The following TNRC6B variants were observed in gnomAD, a reference collection of about 807,000 sequenced individuals.
The protein encoded by TNRC6B is trinucleotide repeat containing adaptor 6B.
Under a neutral mutation model 203.6 loss-of-function variants are expected in TNRC6B, and 52 were observed. The ratio of observed to expected loss-of-function variants is 0.26; its 90% CI spans 0.20 to 0.32. TNRC6B has a LOEUF of 0.32. Among genes scored for constraint, TNRC6B ranks in the 10% least tolerant of loss-of-function variants. The pLI is 1.00. For synonymous variants in TNRC6B, 838 were observed against 845.7 expected (o/e 0.99, Z 0.16); for missense variants, 1,923 against 2,286.2 (o/e 0.84, Z 3.24).
chr22:40,088,129 A>AGTT (rs2068116204), intron 1 of TNRC6B, among the ~76,000 whole-genome samples: 1 of 152,230 alleles, frequency 6.6e-6, no homozygotes. Flanking sequence ...ACTCATAAAA[A>AGTT]GTTGTACCTT....
intron 1 of TNRC6B, among the ~76,000 whole-genome samples, chr22:40,179,923 G>A (rs1352540181): frequency 2.0e-5 from 3 of 152,076 alleles, no homozygotes; most frequent in Non-Finnish European, 4.4e-5. Flanking sequence ...TAACAAGCAA[G>A]GATTTTATTA....
intron 4 of TNRC6B, among the ~76,000 whole-genome samples, chr22:40,262,798 G>C (rs1482398361): frequency 6.6e-6 from 1 of 152,118 alleles, no homozygotes; most frequent in Non-Finnish European, 1.5e-5. Flanking sequence ...CCAGCACTTT[G>C]GGAGGCCGAG....
At chr22:40,206,606 A>G (rs1241110014) in intron 1 of TNRC6B, among the ~76,000 whole-genome samples, 1 of 152,180 alleles carries the variant, frequency 6.6e-6, no homozygotes, top group African/African-American at 2.4e-5. Context: ...TTTATATGGA[A>G]AAGAGAAATG....
chr22:40,171,094 G>A (rs1269526149), intron 4 of TNRC6B, among the ~76,000 whole-genome samples: 1 of 146,436 alleles, frequency 6.8e-6, no homozygotes, highest in Non-Finnish European at 1.5e-5. Context: ...ATATATGTAT[G>A]TATAGGAATT....
At chr22:40,195,425 A>G (rs1172504484) in intron 1 of TNRC6B, among the ~76,000 whole-genome samples, 1 of 152,074 alleles carries the variant, frequency 6.6e-6, no homozygotes, top group Non-Finnish European at 1.5e-5. Context: ...TGCTTGATTC[A>G]CTATTAGGGA....
At chr22:40,194,962 GGGGAGACCTGCTTTAAATTTTGCT>G (rs1171867281) in intron 1 of TNRC6B, among the ~76,000 whole-genome samples, 1 of 152,184 alleles carries the variant, frequency 6.6e-6, no homozygotes, top group Admixed American at 6.5e-5. Context: ...TGTAAACCCA[GGGGAGACCTGCTTTAAATTTTGCT>G]GGGAGCCCTC....
rs559046486 is a variant in TNRC6B, at chr22:40,162,119, A to G, written c.113+5937A>G. ...TACCAATTTTTATTTTTTTTGAGAC[A>G]GAGTTTCGCTCTTGTTGCCCAAACT... On this transcript the variant is annotated intron_variant, in intron 4 of 23. Coordinates refer to the TNRC6B transcript ENST00000301923. Among the ~76,000 whole-genome samples the G allele has an allele frequency of 1.6e-4, 25 of 152,262 alleles. 1 individual carries two copies. The South Asian group carries it at 2.3e-3, about 14-fold the overall frequency.
chr22:40,263,125 A>C (rs2070412493), intron 4 of TNRC6B, among the ~76,000 whole-genome samples: 1 of 152,234 alleles, frequency 6.6e-6, no homozygotes, highest in South Asian at 2.1e-4. Context: ...ATATCTTTTA[A>C]AGTTTATTAA....
rs1032013873 is a variant in TNRC6B, at chr22:40,163,397, C to CAA, written c.113+7237_113+7238dup. On this transcript the variant is annotated intron_variant, in intron 4 of 23. Transcript: ENST00000301923. ...TGGGTGACAGAACAAGACCCTGTCT[C>CAA]AAAAAAAAAAAAAAAAAAAAAAAGT... Among the ~76,000 whole-genome samples, 47 of 20,080 alleles carry CAA rather than the reference C, an allele frequency of 2.3e-3. 1 individual carries two copies. The highest frequency in any genetic ancestry group is 7.5e-3 in the African/African-American group (39 of 5,220). The allele number at this position is 20,080 out of a possible 152,430, so 13.2% of individuals were successfully genotyped here.
chr22:40,120,315 G>A (rs567213382), intron 2 of TNRC6B, among the ~76,000 whole-genome samples: 3 of 146,022 alleles, frequency 2.1e-5, no homozygotes, highest in East Asian at 3.9e-4. Context: ...CAGCCTGGGT[G>A]ACAGAGTGAG....
Position 40,331,645 on chromosome 22 carries a change from ATTTTTTTTTTTT to A in TNRC6B, c.*8418_*8429del, listed in dbSNP as rs10534254. 2.9e-4 allele frequency: 38 copies of A among 133,274 alleles called. No homozygotes were observed. Among genetic ancestry groups the A allele is most frequent in the African/African-American group, 1.5e-3 (35 of 22,860 alleles). 8.3% of individuals were successfully genotyped at this position (133,274 alleles called of 1,614,324 possible). ...ACTGAATTTAAGAAGAGGTTGTTGG[ATTTTTTTTTTTT>A]TTTTTTTTTTTTTCAAAAAAAAAAG... On this transcript the variant is annotated 3_prime_UTR_variant, in exon 23 of 23. Transcript: ENST00000454349.
upstream of TNRC6B, among the ~76,000 whole-genome samples, chr22:40,175,298 T>G (rs943650160): frequency 2.0e-5 from 3 of 151,714 alleles, no homozygotes; most frequent in Middle Eastern, 3.2e-3. Context: ...TGGAGGTTCC[T>G]GTGAGCCGAT....
rs553915959 is a variant in TNRC6B at position 40,087,937 on chromosome 22, C to T, written c.-120-29118C>T. ...ATAATACTTTTCAGGACCTCTTGGT[C>T]CTCCTGGGAGATGCTGGGAACTCTG... is the stretch of plus-strand genomic sequence containing the variant. On this transcript the variant is annotated intron_variant, in intron 1 of 23. Transcript: ENST00000301923. Among the ~76,000 whole-genome samples the T allele has an allele frequency of 2.6e-5, 4 of 152,204 alleles. No individual in the cohort carries two copies. The South Asian group carries it at 8.3e-4, about 32-fold the overall frequency.
chr22:40,058,079 C>T (rs971865706), intron 1 of TNRC6B, among the ~76,000 whole-genome samples: 3 of 152,146 alleles, frequency 2.0e-5, no homozygotes, highest in Non-Finnish European at 4.4e-5. Context: ...GGCTCAATTG[C>T]CTTAAACAAA....
intron 1 of TNRC6B, among the ~76,000 whole-genome samples, chr22:40,086,007 A>G (rs1488130544): frequency 6.6e-6 from 1 of 152,026 alleles, no homozygotes; most frequent in African/African-American, 2.4e-5. Flanking sequence ...AGTAGCTGGT[A>G]CCACAGGTGC....
intron 1 of TNRC6B, among the ~76,000 whole-genome samples, chr22:40,184,180 C>G (rs1314058597): frequency 1.3e-5 from 2 of 152,212 alleles, no homozygotes; most frequent in African/African-American, 4.8e-5. Context: ...GAGTGCTTTT[C>G]ACATGCCAGG....
At chr22:40,321,064 A>G in intron 21 of TNRC6B, 26 bp from the exon 22 acceptor site, 2 of 1,612,502 alleles carry the variant, frequency 1.2e-6, no homozygotes, top group Non-Finnish European at 1.7e-6. Flanking sequence ...TCCAGTCTTT[A>G]TCTCATGAAT....
chr22:40,086,581 G>C (rs564069043), intron 1 of TNRC6B, among the ~76,000 whole-genome samples: 19 of 152,162 alleles, frequency 1.2e-4, no homozygotes, highest in Non-Finnish European at 2.6e-4. Context: ...CAGCAGGAAA[G>C]GATATATGGA....
intron 15 of TNRC6B, among the ~76,000 whole-genome samples, chr22:40,308,186 G>A (rs1021954528): frequency 2.0e-5 from 3 of 152,250 alleles, no homozygotes; most frequent in Admixed American, 6.5e-5. Context: ...GCTGGATGTC[G>A]TCTTCTCCAT....
Sources: gnomAD v4.1 joint callset for allele counts (sites outside exome capture counted in the v4.1 genomes callset) on GRCh38, gnomAD v4.1.1 for gene constraint, MANE v1.5 for transcripts, NCBI Gene and HGNC (gene_info 2026-07-23, HGNC 2026-07-21) for gene names.